GALNT10: variants seen among roughly 807,000 people sequenced by gnomAD.
GALNT10 encodes the protein GalNAc transferase 10.
In GALNT10, 41 loss-of-function variants were observed where a neutral mutation model predicts 75.0. That is an observed-to-expected ratio of 0.55 (90% CI 0.43 to 0.71). The LOEUF (loss-of-function observed/expected upper bound fraction) is 0.71, where lower values mean the gene tolerates loss of function less well. Among genes scored for constraint, GALNT10 ranks in the 30% least tolerant of loss-of-function variants. GALNT10 has a pLI of 0.00. For synonymous variants in GALNT10, 302 were observed against 313.0 expected (o/e 0.96, Z 0.37); for missense variants, 727 against 818.5 (o/e 0.89, Z 1.36).
rs184004940 is a variant in GALNT10, at chr5:154,210,897, G to A, written c.159+19872G>A. Reference sequence around the variant, plus strand: ...GCACACTGAAGAATTTAGGAATAAAGGGTTATCATGTCTTCAACTTTCTCA... The same window carrying A: ...GCACACTGAAGAATTTAGGAATAAAAGGTTATCATGTCTTCAACTTTCTCA... On this transcript the variant is annotated intron_variant, in intron 1 of 11. Coordinates refer to ENST00000297107, the MANE Select transcript of GALNT10 (RefSeq NM_198321.4). Among the ~76,000 whole-genome samples, 79 of 152,216 alleles carry A rather than the reference G, an allele frequency of 5.2e-4. No homozygotes were observed. In the East Asian group the frequency reaches 0.012, roughly 23 times the overall value.
At chr5:154,349,126 A>C (rs1394901103) in intron 4 of GALNT10, among the ~76,000 whole-genome samples, 1 of 152,152 alleles carries the variant, frequency 6.6e-6, no homozygotes, top group Non-Finnish European at 1.5e-5. Context: ...TTAAATAAAA[A>C]TAATCAGGAA....
In GALNT10 at chr5:154,401,689, A is replaced by G. The variant is rs559535100; in HGVS notation, c.1057-2415A>G. ...TTCCAATAATTGCAGCCCTGTGCAC[A>G]TCCCCTCTCGGGAGGGCCAGAGTAC... is the stretch of plus-strand genomic sequence containing the variant. On this transcript the variant is annotated intron_variant, in intron 7 of 11. Coordinates refer to ENST00000297107, the MANE Select transcript of GALNT10 (RefSeq NM_198321.4). Among the ~76,000 whole-genome samples, 3 of 152,126 alleles carry G rather than the reference A, an allele frequency of 2.0e-5. No individual in the cohort carries two copies. The South Asian group carries it at 6.2e-4, about 32-fold the overall frequency.
intron 5 of GALNT10, among the ~76,000 whole-genome samples, chr5:154,377,419 G>A (rs1755665058): frequency 6.6e-6 from 1 of 152,210 alleles, no homozygotes; most frequent in Non-Finnish European, 1.5e-5. Flanking sequence ...GGAGCAAAGA[G>A]AACTGAAGTT....
Position 154,298,116 on chromosome 5 carries a change from A to G in GALNT10, c.401+37A>G. On this transcript the variant is annotated intron_variant, in intron 3 of 11. Coordinates refer to ENST00000297107, the MANE Select transcript of GALNT10 (RefSeq NM_198321.4). This position sits in a 1 kb window ranked among gnomAD's most constrained non-coding sequence, Gnocchi z 4.1. Reference sequence around the variant, plus strand: ...ATCTCTCAAATTCTGAGATCTAAGGATGTTTCCCTGGCTGTTGTTGAGAAT... The same window carrying G: ...ATCTCTCAAATTCTGAGATCTAAGGGTGTTTCCCTGGCTGTTGTTGAGAAT... 6.3e-7 allele frequency: 1 copy of G among 1,591,606 alleles called. No individual in the cohort carries two copies. The highest frequency in any genetic ancestry group is 1.1e-5 in the South Asian group (1 of 89,820).
chr5:154,371,537 AGTGTGTGTGTGT>A (rs757305979), intron 4 of GALNT10, among the ~76,000 whole-genome samples: 7 of 70,926 alleles, frequency 9.9e-5, no homozygotes, highest in East Asian at 6.9e-4. Flanking sequence ...GACACACCAC[AGTGTGTGTGTGT>A]GTGTGTGTGT....
rs754560352 is a variant in GALNT10, at chr5:154,417,480, T to TC, written c.*510dup. On this transcript the variant is annotated 3_prime_UTR_variant, in exon 12 of 12. Transcript: ENST00000297107. ...TCTTGGGGCTTTTTAGTTTCTGCCG[T>TC]CCTGGGGGGAACATTGCAGTTACTG... is the stretch of plus-strand genomic sequence containing the variant. 1 of 156,528 alleles carries TC rather than the reference T, an allele frequency of 6.4e-6. No homozygotes were observed. Among genetic ancestry groups the TC allele is most frequent in the Non-Finnish European group, 1.4e-5 (1 of 70,578 alleles). 9.7% of individuals were successfully genotyped at this position (156,528 alleles called of 1,614,324 possible). A position where few individuals can be genotyped will look rare whatever the true frequency, so the allele number is the denominator to read the frequency against.
At chr5:154,257,042 A>G (rs1459764577) in intron 1 of GALNT10, among the ~76,000 whole-genome samples, 7 of 152,126 alleles carry the variant, frequency 4.6e-5, no homozygotes, top group Non-Finnish European at 1.5e-5. Context: ...TAGGAGGCCA[A>G]GGTGGGAGGA....
chr5:154,401,617 T>C (rs1163279891), intron 7 of GALNT10, among the ~76,000 whole-genome samples: 3 of 152,194 alleles, frequency 2.0e-5, no homozygotes, highest in African/African-American at 7.2e-5. Flanking sequence ...CTGGATTTTT[T>C]TTTCTCCCCC....
intron 4 of GALNT10, among the ~76,000 whole-genome samples, chr5:154,345,903 C>T (rs995551269): frequency 6.6e-6 from 1 of 151,344 alleles, no homozygotes; most frequent in Non-Finnish European, 1.5e-5. Flanking sequence ...CCTCAGCCAC[C>T]CAAAGTGCCT....
intron 4 of GALNT10, among the ~76,000 whole-genome samples, chr5:154,346,019 G>T (rs1366083030): frequency 7.5e-6 from 1 of 132,460 alleles, no homozygotes; most frequent in African/African-American, 2.9e-5. Flanking sequence ...GGCTGGTCTT[G>T]AACTCCTGGG....
rs531940874 is a variant in GALNT10 at position 154,419,330 on chromosome 5, T to G, written c.*2358T>G. The stretch of plus-strand genomic sequence containing the variant: ...GAGAGGAGGCCTTGCATTACCTCAC[T>G]GGGACCTGTTTGGGGGCCATCCCTG... On this transcript the variant is annotated 3_prime_UTR_variant, in exon 12 of 12. Transcript: ENST00000297107. The G allele has an allele frequency of 3.0e-4, 45 of 152,262 alleles. No individual in the cohort carries two copies. Among genetic ancestry groups the G allele is most frequent in the African/African-American group, 1.1e-3 (44 of 41,516 alleles). 9.4% of individuals were successfully genotyped at this position (152,262 alleles called of 1,614,324 possible).
intron 1 of GALNT10, among the ~76,000 whole-genome samples, chr5:154,205,707 A>C (rs80016487): frequency 0.15 from 22,214 of 152,252 alleles, 1,600 homozygotes; most frequent in South Asian, 0.19. Context: ...TGATATCCTT[A>C]TAAGAAGAGG....
intron 1 of GALNT10, among the ~76,000 whole-genome samples, chr5:154,209,805 A>G (rs879885727): frequency 1.6e-4 from 24 of 152,314 alleles, no homozygotes; most frequent in Middle Eastern, 6.8e-3. Flanking sequence ...TAACACTGGC[A>G]GAAGAGTCTT....
Position 154,416,448 on chromosome 5 carries a change from ATT to A in GALNT10, c.1654-365_1654-364del, listed in dbSNP as rs1393641806. ...AACCTGTCTCAAAAAAATTAAAAAA[ATT>A]AAAAAAATAAAAGATAAAAGGAAAG... On this transcript the variant is annotated intron_variant, in intron 11 of 11. Transcript: ENST00000297107. This position sits in a 1 kb window ranked among gnomAD's most constrained non-coding sequence, Gnocchi z 4.5. Among the ~76,000 whole-genome samples the A allele has an allele frequency of 6.6e-6, 1 of 150,470 alleles. No individual in the cohort carries two copies.
chr5:154,218,879 T>G (rs1344547972), intron 1 of GALNT10, among the ~76,000 whole-genome samples: 1 of 152,082 alleles, frequency 6.6e-6, no homozygotes, highest in African/African-American at 2.4e-5. Context: ...ACTGGCCACC[T>G]CTAGTGCTGA....
At chr5:154,287,607 G>A (rs1581956804) in intron 1 of GALNT10, 1 of 152,190 alleles carries the variant, frequency 6.6e-6, no homozygotes, top group East Asian at 1.9e-4. Flanking sequence ...GTGTGTATGT[G>A]TGTTTTCCTT....
intron 4 of GALNT10, among the ~76,000 whole-genome samples, chr5:154,373,445 C>T (rs540688491): frequency 2.0e-5 from 3 of 152,244 alleles, no homozygotes; most frequent in African/African-American, 4.8e-5. Flanking sequence ...AATCTTAGAC[C>T]TTGGCATCAT....
In GALNT10 at chr5:154,415,777, G is replaced by A; in HGVS notation, c.1504-6G>A. The A allele has an allele frequency of 6.2e-7, 1 of 1,613,630 alleles. No homozygotes were observed. The highest frequency in any genetic ancestry group is 8.5e-7 in the Non-Finnish European group (1 of 1,179,630). On this transcript the variant is annotated splice_region_variant and splice_polypyrimidine_tract_variant and intron_variant, in intron 10 of 11. Transcript: ENST00000297107. ...CTATCCCTATTTATGATGCCCCTGT[G>A]CACAGGTATTCACCTTCACCTGGAG... is the stretch of plus-strand genomic sequence containing the variant.
chr5:154,380,042 AG>A, intron 5 of GALNT10, among the ~76,000 whole-genome samples: 1 of 152,212 alleles, frequency 6.6e-6, no homozygotes, highest in East Asian at 1.9e-4. Context: ...GGAGCCTCGC[AG>A]GACTAGAGCA....
Sources: allele counts gnomAD v4.1 joint callset (sites outside exome capture counted in the v4.1 genomes callset), GRCh38; gene constraint gnomAD v4.1.1; non-coding constraint Gnocchi (gnomAD v3.1); transcripts MANE v1.5; gene names NCBI Gene and HGNC (gene_info 2026-07-23, HGNC 2026-07-21).